Variants in SEMA7A observed in about 807,000 individuals in gnomAD.
The protein encoded by SEMA7A is semaphorin 7A (JohnMiltonHagen blood group).
Under a neutral mutation model 67.5 loss-of-function variants are expected in SEMA7A, and 21 were observed. The observed-to-expected ratio is 0.31, with a 90% CI of 0.22 to 0.45. The LOEUF (loss-of-function observed/expected upper bound fraction) is 0.45, where lower values mean the gene tolerates loss of function less well. Ranked by LOEUF, SEMA7A falls within the 20% of genes least tolerant of loss-of-function variation. The probability of loss-of-function intolerance (pLI) is 1.00; values close to 1 mark genes in which losing one functional copy is unlikely to be tolerated. For synonymous variants in SEMA7A, 364 were observed against 368.5 expected, an observed-to-expected ratio of 0.99 and a Z score of 0.14; for missense variants, 774 against 908.6, an observed-to-expected ratio of 0.85 and a Z score of 1.90.
chr15:74,427,972 T>A (rs1596200018), intron 1 of SEMA7A, among the ~76,000 whole-genome samples: 1 of 152,054 alleles, frequency 6.6e-6, no homozygotes, highest in Non-Finnish European at 1.5e-5. Flanking sequence ...CACCCAGGGG[T>A]GCTGGCACAG....
chr15:74,414,992 C>T lies in SEMA7A; in HGVS notation c.987-46G>A. On this transcript the variant is annotated intron_variant, in intron 8 of 13. Coordinates refer to ENST00000261918, the MANE Select transcript of SEMA7A (RefSeq NM_003612.5). The surrounding 1 kb of genome is among the most constrained non-coding windows in gnomAD (Gnocchi z 4.1). ...GCTCAATGGGGGGCCCAGAACCCAC[C>T]CATCCACCTCCACTCACCCAGGCCA... 1 of 1,499,612 alleles carries T rather than the reference C, an allele frequency of 6.7e-7. No homozygotes were observed. The highest frequency in any genetic ancestry group is 2.3e-5 in the East Asian group (1 of 43,472). 92.9% of individuals were successfully genotyped at this position (1,499,612 alleles called of 1,614,324 possible).
intron 1 of SEMA7A, 109 bp from the exon 2 acceptor site, chr15:74,419,061 G>A: frequency 1.5e-6 from 2 of 1,293,780 alleles, no homozygotes; most frequent in Non-Finnish European, 2.1e-6. Context: ...TCAGGGTCCT[G>A]GCAGGGCGTC....
intron 1 of SEMA7A, 83 bp downstream of exon 1, chr15:74,433,658 A>G: frequency 7.6e-7 from 1 of 1,314,108 alleles, no homozygotes; most frequent in South Asian, 2.0e-5. Flanking sequence ...GCGCGCACGC[A>G]CTCCCTCCGG....
intron 8 of SEMA7A, 76 bp downstream of exon 8, chr15:74,415,725 G>A (rs2060942362): frequency 1.4e-6 from 2 of 1,423,958 alleles, no homozygotes; most frequent in Admixed American, 4.6e-5. Flanking sequence ...GAGGCCCTCA[G>A]CAGGGCCCAA....
intron 10 of SEMA7A, among the ~76,000 whole-genome samples, chr15:74,412,349 C>A (rs1225487512): frequency 6.6e-6 from 1 of 152,140 alleles, no homozygotes; most frequent in Non-Finnish European, 1.5e-5. Context: ...GTTTAACCCT[C>A]CACAGCCCTG....
At position 74,433,856 on chromosome 15, in the gene SEMA7A, C is replaced by A; in HGVS notation, c.63G>T (p.Pro21=). 7.6e-7 allele frequency: 1 copy of A among 1,313,636 alleles called. No individual in the cohort carries two copies. The highest frequency in any genetic ancestry group is 9.6e-7 in the Non-Finnish European group (1 of 1,038,408). The allele number at this position is 1,313,636 out of a possible 1,614,324, so 81.4% of individuals were successfully genotyped here. Residue 21 remains proline (P), a synonymous_variant, in exon 1 of 14, where the codon CCG becomes CCT. Coordinates refer to ENST00000261918, the MANE Select transcript of SEMA7A (RefSeq NM_003612.5). ...GCAGCGGAAGCCCCAACCGAGCCGG[C>A]GGGCCAGGGACGCGGGCGCGCGGTG... The part of the protein sequence containing the change: ...PSAPRARVPG[P]PARLGLPLRL...
At chr15:74,418,060 G>A in intron 3 of SEMA7A, 91 bp from the exon 4 acceptor site, 7 of 1,431,584 alleles carry the variant, frequency 4.9e-6, no homozygotes, top group Non-Finnish European at 6.8e-6. Context: ...CAGGGAAGAA[G>A]GTGTCAGAAG....
chr15:74,427,103 T>C (rs2061050088), intron 1 of SEMA7A: 1 of 495,894 alleles, frequency 2.0e-6, no homozygotes, highest in Non-Finnish European at 2.6e-6. Flanking sequence ...CTAAATCCCT[T>C]GGATCCAGGA....
At chr15:74,433,643 G>A (rs1477012378) in intron 1 of SEMA7A, 98 bp downstream of exon 1, 1 of 1,307,616 alleles carries the variant, frequency 7.6e-7, no homozygotes, top group Non-Finnish European at 9.7e-7. Flanking sequence ...GGGACCCGCA[G>A]AGCTGCGCGC....
chr15:74,416,969 G>A (rs2060955047), intron 6 of SEMA7A, among the ~76,000 whole-genome samples: 1 of 152,214 alleles, frequency 6.6e-6, no homozygotes, highest in Admixed American at 6.5e-5. Context: ...GGGACTGGGG[G>A]AAGGTCCCTG....
rs547484415 is a variant in SEMA7A, at chr15:74,414,476, C to T, written c.1294+71G>A. On this transcript the variant is annotated intron_variant, in intron 10 of 13. Transcript: ENST00000261918. This position sits in a 1 kb window ranked among gnomAD's most constrained non-coding sequence, Gnocchi z 4.1. ...ATGTAAAGATCCAACCAGATGTTAA[C>T]TACATTATTCCTTACACCTTTCATG... 1.2e-4 allele frequency: 164 copies of T among 1,414,778 alleles called. No individual in the cohort carries two copies. Among genetic ancestry groups the T allele is most frequent in the South Asian group, 5.1e-4 (42 of 82,450 alleles). The allele number at this position is 1,414,778 out of a possible 1,614,324, so 87.6% of individuals were successfully genotyped here.
At chr15:74,433,440 G>T in intron 1 of SEMA7A, 2 of 598,576 alleles carry the variant, frequency 3.3e-6, no homozygotes, top group Non-Finnish European at 4.5e-6. Context: ...CGAGAGAGGG[G>T]CCCGCCCCCT....
At chr15:74,416,966 G>A (rs1055627757) in intron 6 of SEMA7A, among the ~76,000 whole-genome samples, 1 of 152,216 alleles carries the variant, frequency 6.6e-6, no homozygotes, top group African/African-American at 2.4e-5. Context: ...CTGGGGACTG[G>A]GGGAAGGTCC....
intron 1 of SEMA7A, among the ~76,000 whole-genome samples, chr15:74,420,539 GC>G (rs1465447614): frequency 6.6e-6 from 1 of 152,164 alleles, no homozygotes; most frequent in Non-Finnish European, 1.5e-5. Flanking sequence ...GCCCTCCCTG[GC>G]CCCCAAGCCT....
At chr15:74,424,003 C>G (rs1219996071) in intron 1 of SEMA7A, among the ~76,000 whole-genome samples, 1 of 152,150 alleles carries the variant, frequency 6.6e-6, no homozygotes, top group Non-Finnish European at 1.5e-5. Flanking sequence ...CGAGACAGCA[C>G]TCAGCTCATG....
rs554899400 is a variant in SEMA7A, at chr15:74,432,417, C to T, written c.178+1324G>A. Among the ~76,000 whole-genome samples, 9 of 152,210 alleles carry T rather than the reference C, an allele frequency of 5.9e-5. No individual in the cohort carries two copies. In the South Asian group the frequency reaches 1.9e-3, roughly 32 times the overall value. On this transcript the variant is annotated intron_variant, in intron 1 of 13. Transcript: ENST00000261918. ...TGGGTAGCCGAGCTGGTCCCCAGAG[C>T]ACCTCATTCATGGTCCCTGAACCAC...
chr15:74,432,810 G>A (rs1330045627), intron 1 of SEMA7A, among the ~76,000 whole-genome samples: 1 of 151,920 alleles, frequency 6.6e-6, no homozygotes. Context: ...GGGGCGGGGA[G>A]GCATTTGTGT....
In SEMA7A at chr15:74,423,155, G is replaced by A. The variant is rs1380319640; in HGVS notation, c.179-4203C>T. Among the ~76,000 whole-genome samples the A allele has an allele frequency of 6.6e-6, 1 of 152,240 alleles. No homozygotes were observed. On this transcript the variant is annotated intron_variant, in intron 1 of 13. Transcript: ENST00000261918. The surrounding 1 kb of genome is among the most constrained non-coding windows in gnomAD (Gnocchi z 4.1). ...GCCCCGGGCCAAAGAGCAGAAAGCA[G>A]GCCGACCTCAGGTTGGAGAGCCAGC...
intron 1 of SEMA7A, among the ~76,000 whole-genome samples, chr15:74,419,391 C>A (rs139551923): frequency 6.6e-6 from 1 of 152,270 alleles, no homozygotes; most frequent in East Asian, 1.9e-4. Flanking sequence ...CCCCCAACCC[C>A]GGGCCTTTCA....
Sources: allele counts gnomAD v4.1 joint callset (sites outside exome capture counted in the v4.1 genomes callset), GRCh38; gene constraint gnomAD v4.1.1; non-coding constraint Gnocchi (gnomAD v3.1); transcripts MANE v1.5; gene names NCBI Gene and HGNC (gene_info 2026-07-23, HGNC 2026-07-21).